The following CSMD1 variants were observed in gnomAD, a reference collection of about 807,000 sequenced individuals.
CSMD1 encodes the protein CUB and sushi domain-containing protein 1.
CSMD1 carries 213 observed loss-of-function variants against 417.5 expected under a neutral mutation model. The ratio of observed to expected loss-of-function variants is 0.51; its 90% CI spans 0.46 to 0.57. CSMD1 has a LOEUF of 0.57. Among genes scored for constraint, CSMD1 ranks in the 20% least tolerant of loss-of-function variants. The pLI is 0.00. For synonymous variants in CSMD1, 2,862 were observed against 1,736.8 expected (o/e 1.65, Z -16.11); for missense variants, 6,923 against 4,529.7 (o/e 1.53, Z -15.17).
At chr8:3,526,086 G>A (rs1563122487) in intron 10 of CSMD1, among the ~76,000 whole-genome samples, 1 of 152,088 alleles carries the variant, frequency 6.6e-6, no homozygotes, top group Non-Finnish European at 1.5e-5. Context: ...TCAACATGCT[G>A]AATTGTCAAT....
chr8:4,745,795 T>G (rs1247980140), intron 1 of CSMD1, among the ~76,000 whole-genome samples: 1 of 152,146 alleles, frequency 6.6e-6, no homozygotes, highest in Non-Finnish European at 1.5e-5. Context: ...CTACCACAAG[T>G]ACAGTGAGAT....
intron 3 of CSMD1, among the ~76,000 whole-genome samples, chr8:4,094,742 G>T (rs992568214): frequency 6.6e-6 from 1 of 152,136 alleles, no homozygotes; most frequent in African/African-American, 2.4e-5. Context: ...TCTCCATTCA[G>T]ACAAATGATG....
intron 3 of CSMD1, among the ~76,000 whole-genome samples, chr8:4,295,255 TTTCTATATA>T (rs1295475917): frequency 0.013 from 1,295 of 98,528 alleles, 7 homozygotes; most frequent in Middle Eastern, 0.031. Flanking sequence ...ATCTTAAGAT[TTTCTATATA>T]ATCTTAAGAT....
rs533797160 is a variant in CSMD1, at chr8:3,595,840, G to C, written c.1098-9580C>G. Among the ~76,000 whole-genome samples the C allele has an allele frequency of 3.8e-4, 58 of 152,330 alleles. 1 individual carries two copies. Among genetic ancestry groups the C allele is most frequent in the African/African-American group, 1.3e-3 (56 of 41,580 alleles). On this transcript the variant is annotated intron_variant, in intron 8 of 69. Coordinates refer to ENST00000635120, the MANE Select transcript of CSMD1 (RefSeq NM_033225.6). ...CCCACCTATCTATACAAAGGCAAAA[G>C]CTGTTTGCACACTGTGTGAACGTGG...
intron 3 of CSMD1, among the ~76,000 whole-genome samples, chr8:4,169,985 A>C (rs938448772): frequency 2.0e-4 from 30 of 151,976 alleles, no homozygotes; most frequent in African/African-American, 7.3e-4. Flanking sequence ...CTTTGTGCAT[A>C]GAAGAGTGTT....
chr8:3,246,926 G>C (rs779139891), intron 26 of CSMD1, among the ~76,000 whole-genome samples: 1 of 152,108 alleles, frequency 6.6e-6, no homozygotes, highest in Non-Finnish European at 1.5e-5. Flanking sequence ...GTAGAAAAAA[G>C]TGTTTTAGAA....
chr8:3,487,606 T>A (rs1221873804), intron 11 of CSMD1, among the ~76,000 whole-genome samples: 1 of 152,286 alleles, frequency 6.6e-6, no homozygotes, highest in Non-Finnish European at 1.5e-5. Flanking sequence ...GTAAATTTGG[T>A]GTATAAATAT....
At position 3,284,298 on chromosome 8, in the gene CSMD1, C is replaced by G; in HGVS notation, c.3999G>C (p.Lys1333Asn). The G allele has an allele frequency of 6.2e-7, 1 of 1,613,940 alleles. No homozygotes were observed. Among genetic ancestry groups the G allele is most frequent in the South Asian group, 1.1e-5 (1 of 91,072 alleles). Residue 1333 changes from lysine (K) to asparagine (N), a missense_variant, in exon 26 of 70, where the codon AAG becomes AAC. Physicochemically the swap from Lys to Asn is moderately conservative, Grantham distance 94. Transcript: ENST00000635120. The part of the protein sequence containing the change: ...FDTEMAHDIL[K>N]VWDGPVDSDI... ...CACTGTCCACCGGCCCGTCCCAGAC[C>G]TTGAGGATGTCGTGAGCCATCTCCG... is the stretch of plus-strand genomic sequence containing the variant.
At chr8:3,236,512 T>A (rs1260819941) in intron 26 of CSMD1, among the ~76,000 whole-genome samples, 2 of 152,204 alleles carry the variant, frequency 1.3e-5, no homozygotes, top group African/African-American at 2.4e-5. Flanking sequence ...AATTTCATTT[T>A]ATTTTCCTCT....
rs370901777 is a variant in CSMD1, at chr8:3,714,162, A to G, written c.932-5671T>C. Among the ~76,000 whole-genome samples the G allele has an allele frequency of 8.7e-4, 130 of 150,250 alleles. No individual in the cohort carries two copies. The East Asian group carries it at 9.0e-3, about 10-fold the overall frequency. ...TATACGTATTTAGAAAGTTAATAAC[A>G]TATTACATATTATATATGTATATAA... On this transcript the variant is annotated intron_variant, in intron 6 of 69. Coordinates refer to ENST00000635120, the MANE Select transcript of CSMD1 (RefSeq NM_033225.6).
At chr8:3,118,355 C>G in intron 42 of CSMD1, 44 bp downstream of exon 42, 1 of 1,348,066 alleles carries the variant, frequency 7.4e-7, no homozygotes, top group Non-Finnish European at 1.0e-6. Context: ...TGCTATTATG[C>G]CCATGAAACA....
intron 3 of CSMD1, among the ~76,000 whole-genome samples, chr8:4,267,590 T>C (rs1477093829): frequency 6.6e-6 from 1 of 151,986 alleles, no homozygotes; most frequent in Admixed American, 6.6e-5. Flanking sequence ...GACACATTCT[T>C]GGTTGGTAGA....
At chr8:3,558,951 G>C (rs1055465887) in intron 10 of CSMD1, among the ~76,000 whole-genome samples, 4 of 152,182 alleles carry the variant, frequency 2.6e-5, no homozygotes, top group African/African-American at 7.2e-5. Flanking sequence ...GAGTAGCCCA[G>C]TATGACGGCA....
At chr8:4,042,814 T>TAAAAAAAAAAAAA (rs1563355345) in intron 3 of CSMD1, among the ~76,000 whole-genome samples, 3 of 21,018 alleles carry the variant, frequency 1.4e-4, no homozygotes, top group African/African-American at 7.5e-4. Flanking sequence ...GTACAACATA[T>TAAAAAAAAAAAAA]TAAAAAAAAA....
At chr8:4,254,427 T>G (rs951602704) in intron 3 of CSMD1, among the ~76,000 whole-genome samples, 1 of 152,126 alleles carries the variant, frequency 6.6e-6, no homozygotes, top group African/African-American at 2.4e-5. Flanking sequence ...CCCCTTAGAT[T>G]ATAGTGGAGC....
intron 3 of CSMD1, among the ~76,000 whole-genome samples, chr8:4,274,950 T>C (rs993294314): frequency 6.6e-6 from 1 of 152,156 alleles, no homozygotes; most frequent in Non-Finnish European, 1.5e-5. Flanking sequence ...TTGAGAGCCA[T>C]CAACAAACAT....
chr8:3,421,929 C>T (rs1284687127), intron 12 of CSMD1, among the ~76,000 whole-genome samples: 1 of 146,174 alleles, frequency 6.8e-6, no homozygotes, highest in African/African-American at 2.8e-5. Context: ...TGAGCCACGG[C>T]GCCCGGCCCC....
At chr8:4,949,854 T>C (rs1290012454) in intron 1 of CSMD1, among the ~76,000 whole-genome samples, 4 of 152,230 alleles carry the variant, frequency 2.6e-5, no homozygotes, top group Non-Finnish European at 4.4e-5. Context: ...AGAGAATATA[T>C]AAGGTTAGTT....
intron 5 of CSMD1, among the ~76,000 whole-genome samples, chr8:3,987,200 C>T (rs906813327): frequency 3.3e-5 from 5 of 152,146 alleles, no homozygotes; most frequent in African/African-American, 9.7e-5. Context: ...TTACACACAC[C>T]GTGCCCACAA....
Sources: allele counts gnomAD v4.1 joint callset (sites outside exome capture counted in the v4.1 genomes callset), GRCh38; gene constraint gnomAD v4.1.1; transcripts MANE v1.5; gene names NCBI Gene and HGNC (gene_info 2026-07-23, HGNC 2026-07-21).